Variants in NAA20 observed in about 807,000 individuals in gnomAD.
NAA20 encodes the protein N-alpha-acetyltransferase 20, NatB catalytic subunit, also known as N-alpha-acetyltransferase 20.
NAA20 carries 24 observed loss-of-function variants against 23.8 expected under a neutral mutation model. That is an observed-to-expected ratio of 1.01 (90% CI 0.73 to 1.42). The LOEUF (loss-of-function observed/expected upper bound fraction) is 1.42. Ranked by LOEUF, NAA20 falls within the 40% of genes most tolerant of loss-of-function variation. The pLI, the probability that NAA20 is intolerant of heterozygous loss-of-function variation, is 0.00. For synonymous variants in NAA20, 83 were observed against 77.7 expected (o/e 1.07, Z -0.36); for missense variants, 166 against 223.1 (o/e 0.74, Z 1.63).
At chr20:20,031,522 A>C (rs2043343788) in intron 4 of NAA20, among the ~76,000 whole-genome samples, 1 of 151,890 alleles carries the variant, frequency 6.6e-6, no homozygotes, top group East Asian at 1.9e-4. Context: ...TCAGTGTAGA[A>C]CTTTTTAAAA....
chr20:20,032,055 G>A (rs890268955), intron 4 of NAA20, among the ~76,000 whole-genome samples: 17 of 148,798 alleles, frequency 1.1e-4, no homozygotes, highest in Admixed American at 3.3e-4. Context: ...CGTTTGTATA[G>A]TAAAAGCCAG....
At position 20,026,874 on chromosome 20, in the gene NAA20, G is replaced by C; in HGVS notation, c.260G>C (p.Gly87Ala). The C allele has an allele frequency of 6.2e-7, 1 of 1,614,178 alleles. No homozygotes were observed. The highest frequency in any genetic ancestry group is 1.7e-5 in the Admixed American group (1 of 60,024). ...GTTGCCCCAGAATTTCGACGCCTTGGTTTGGCTGCTAAACTTATGGAGTTA... is the reference window on the plus strand; with the variant it reads ...GTTGCCCCAGAATTTCGACGCCTTGCTTTGGCTGCTAAACTTATGGAGTTA... ...LSVAPEFRRL[G>A]LAAKLMELLE... The change falls in exon 4 of 6, where the codon GGT (glycine) becomes GCT (alanine). Residue 87 changes from glycine (G) to alanine (A), a missense_variant. Gly to Ala is a moderately conservative substitution (Grantham distance 60). Coordinates refer to ENST00000334982, the MANE Select transcript of NAA20 (RefSeq NM_016100.5).
intron 2 of NAA20, among the ~76,000 whole-genome samples, chr20:20,024,087 A>C (rs2043290893): frequency 6.6e-6 from 1 of 152,240 alleles, no homozygotes; most frequent in South Asian, 2.1e-4. Flanking sequence ...GTAGTTCAGC[A>C]GGGACTGTAT....
intron 1 of NAA20, among the ~76,000 whole-genome samples, chr20:20,021,027 G>T (rs6136914): frequency 0.058 from 7,595 of 130,432 alleles, 280 homozygotes; most frequent in East Asian, 0.12. Context: ...TGTGTGCGTG[G>T]GTTCGGTGGG....
Position 20,025,771 on chromosome 20 carries a change from A to C in NAA20, c.169+4A>C. 1 of 1,554,860 alleles carries C rather than the reference A, an allele frequency of 6.4e-7. No individual in the cohort carries two copies. Among genetic ancestry groups the C allele is most frequent in the Non-Finnish European group, 8.9e-7 (1 of 1,126,086 alleles). Reference sequence around the variant, plus strand: ...GGTGGAGAATTAATGGGTTATAGTAAGTATAATACCACTAGTATTTTGTGG... The same window carrying C: ...GGTGGAGAATTAATGGGTTATAGTACGTATAATACCACTAGTATTTTGTGG... On this transcript the variant is annotated splice_donor_region_variant and intron_variant, in intron 3 of 5. Coordinates refer to ENST00000334982, the MANE Select transcript of NAA20 (RefSeq NM_016100.5).
intron 4 of NAA20, among the ~76,000 whole-genome samples, chr20:20,031,245 T>C (rs2043341570): frequency 6.6e-6 from 1 of 152,192 alleles, no homozygotes; most frequent in Non-Finnish European, 1.5e-5. Context: ...GCTGTAGTTA[T>C]CTAGACCAGT....
chr20:20,030,377 A>T (rs1343146288), intron 4 of NAA20, among the ~76,000 whole-genome samples: 1 of 152,208 alleles, frequency 6.6e-6, no homozygotes, highest in Non-Finnish European at 1.5e-5. Flanking sequence ...TCCTGATAAA[A>T]ACTGTTAGCA....
intron 1 of NAA20, 77 bp downstream of exon 1, chr20:20,017,526 G>C (rs540412036): frequency 6.5e-7 from 1 of 1,528,498 alleles, no homozygotes; most frequent in South Asian, 1.2e-5. Flanking sequence ...GGCCCCAGCC[G>C]CGCCTTCCCG....
intron 4 of NAA20, among the ~76,000 whole-genome samples, chr20:20,031,386 A>G (rs1353712432): frequency 6.6e-6 from 1 of 151,840 alleles, no homozygotes; most frequent in East Asian, 1.9e-4. Flanking sequence ...TCCCTATGGG[A>G]AAAAAAAATT....
chr20:20,018,808 G>A (rs949583792), intron 1 of NAA20: 8 of 777,926 alleles, frequency 1.0e-5, no homozygotes, highest in African/African-American at 1.9e-5. Flanking sequence ...TTGAGGTGCT[G>A]TCACCCCCAT....
chr20:20,024,566 G>C (rs1384701388), intron 2 of NAA20, among the ~76,000 whole-genome samples: 2 of 152,166 alleles, frequency 1.3e-5, no homozygotes, highest in East Asian at 3.8e-4. Flanking sequence ...AGGATTTTAG[G>C]ATGCAAATCC....
intron 4 of NAA20, among the ~76,000 whole-genome samples, chr20:20,029,926 A>C (rs1307080857): frequency 6.6e-6 from 1 of 151,952 alleles, no homozygotes; most frequent in African/African-American, 2.4e-5. Context: ...ACCATTGCAA[A>C]AACCATTCTT....
chr20:20,017,470 G>A, intron 1 of NAA20, 21 bp downstream of exon 1: 2 of 1,598,722 alleles, frequency 1.3e-6, no homozygotes, highest in South Asian at 2.2e-5. Context: ...CGCGCCTAGG[G>A]CCAGCCGCTC....
intron 1 of NAA20, among the ~76,000 whole-genome samples, chr20:20,020,145 T>C (rs1258164660): frequency 1.3e-5 from 2 of 152,220 alleles, no homozygotes; most frequent in African/African-American, 4.8e-5. Flanking sequence ...AACACCTTAA[T>C]GTATCATAAA....
rs760299159 is a variant in NAA20, at chr20:20,017,461, G to A, written c.53+12G>A. 2.5e-6 allele frequency: 4 copies of A among 1,605,284 alleles called. No individual in the cohort carries two copies. The highest frequency in any genetic ancestry group is 3.4e-6 in the Non-Finnish European group (4 of 1,177,116). On this transcript the variant is annotated intron_variant, in intron 1 of 5. Transcript: ENST00000334982. ...CGCTTCAACAACATGTGAGTGACAC[G>A]CGCCTAGGGCCAGCCGCTCTTGGCC... is the stretch of plus-strand genomic sequence containing the variant.
At chr20:20,026,546 A>G (rs1470375451) in intron 3 of NAA20, among the ~76,000 whole-genome samples, 5 of 151,102 alleles carry the variant, frequency 3.3e-5, no homozygotes, top group Admixed American at 3.3e-4. Context: ...TGTTTTAAGT[A>G]TATCGTTCTT....
At chr20:20,022,795 A>T (rs1338007865) in intron 2 of NAA20, 3 of 269,410 alleles carry the variant, frequency 1.1e-5, no homozygotes, top group Non-Finnish European at 2.1e-5. Flanking sequence ...GTGGCTGCAT[A>T]GTCTCCAGTG....
chr20:20,020,289 A>G (rs2043258515), intron 1 of NAA20, among the ~76,000 whole-genome samples: 1 of 152,176 alleles, frequency 6.6e-6, no homozygotes, highest in South Asian at 2.1e-4. Flanking sequence ...AGAAGCAGGG[A>G]AGGAAAGCTG....
At chr20:20,032,685 A>T (rs2043354688) in intron 5 of NAA20, 32 bp downstream of exon 5, 2 of 1,542,232 alleles carry the variant, frequency 1.3e-6, no homozygotes, top group Non-Finnish European at 1.7e-6. Flanking sequence ...TATCCCCAAG[A>T]AGTCGAAACA....
Sources: allele counts gnomAD v4.1 joint callset (sites outside exome capture counted in the v4.1 genomes callset), GRCh38; gene constraint gnomAD v4.1.1; transcripts MANE v1.5; gene names NCBI Gene and HGNC (gene_info 2026-07-23, HGNC 2026-07-21).